Variants in FRYL observed in about 807,000 individuals in gnomAD.
The protein encoded by FRYL is protein furry homolog-like.
Under a neutral mutation model 351.2 loss-of-function variants are expected in FRYL, and 150 were observed. That is an observed-to-expected ratio of 0.43 (90% CI 0.37 to 0.49). FRYL has a LOEUF of 0.49. FRYL is among the 20% of genes least tolerant of loss of function. The pLI, the probability that FRYL is intolerant of heterozygous loss-of-function variation, is 0.00. For missense variants in FRYL, 3,036 were observed against 3,619.3 expected, an observed-to-expected ratio of 0.84 and a Z score of 4.13; for synonymous variants, 1,153 against 1,257.1, an observed-to-expected ratio of 0.92 and a Z score of 1.75.
At chr4:48,607,885 C>A (rs938640537) in intron 9 of FRYL, among the ~76,000 whole-genome samples, 3 of 152,120 alleles carry the variant, frequency 2.0e-5, no homozygotes. Flanking sequence ...ATCCAACTTG[C>A]TAATATATTA....
At chr4:48,591,926 T>C (rs1743339468) in intron 16 of FRYL, among the ~76,000 whole-genome samples, 1 of 151,610 alleles carries the variant, frequency 6.6e-6, no homozygotes, top group South Asian at 2.1e-4. Context: ...TTCTTAATGT[T>C]TTTTTCTCAG....
chr4:48,688,572 CTAAG>C (rs1417700504), intron 2 of FRYL, among the ~76,000 whole-genome samples: 2 of 151,546 alleles, frequency 1.3e-5, no homozygotes, highest in Non-Finnish European at 2.9e-5. Flanking sequence ...TCTTCAATTG[CTAAG>C]TAATTCACTT....
chr4:48,577,988 T>C (rs1475547345), intron 23 of FRYL, among the ~76,000 whole-genome samples: 1 of 151,370 alleles, frequency 6.6e-6, no homozygotes, highest in Non-Finnish European at 1.5e-5. Flanking sequence ...TATACATATA[T>C]ATATATTCAA....
intron 2 of FRYL, among the ~76,000 whole-genome samples, chr4:48,685,247 A>C (rs1294726620): frequency 6.6e-6 from 1 of 152,116 alleles, no homozygotes; most frequent in Non-Finnish European, 1.5e-5. Flanking sequence ...ATCTACTACT[A>C]TAATAATAAT....
At chr4:48,708,929 G>GTTTTTTT (rs1553866692) in intron 2 of FRYL, among the ~76,000 whole-genome samples, 2 of 141,400 alleles carry the variant, frequency 1.4e-5, no homozygotes, top group East Asian at 2.1e-4. Context: ...TTTGTTTTTT[G>GTTTTTTT]TTTTTTTTTT....
At chr4:48,523,493 G>A (rs1219046338) in intron 53 of FRYL, 1 of 159,204 alleles carries the variant, frequency 6.3e-6, no homozygotes, top group Non-Finnish European at 1.4e-5. Flanking sequence ...CTTACCTGCA[G>A]CTCCTGGTTA....
chr4:48,692,092 A>G (rs1765726219), intron 2 of FRYL, among the ~76,000 whole-genome samples: 1 of 152,176 alleles, frequency 6.6e-6, no homozygotes, highest in South Asian at 2.1e-4. Flanking sequence ...ACTAAAGAGA[A>G]GAAATAAGAA....
At chr4:48,583,353 G>A (rs1439399166) in intron 19 of FRYL, among the ~76,000 whole-genome samples, 6 of 151,936 alleles carry the variant, frequency 3.9e-5, no homozygotes, top group Non-Finnish European at 7.4e-5. Flanking sequence ...GGGTTTCACC[G>A]TCTTAGCCAG....
At chr4:48,578,612 G>C (rs1740205823) in intron 23 of FRYL, among the ~76,000 whole-genome samples, 1 of 152,182 alleles carries the variant, frequency 6.6e-6, no homozygotes, top group Non-Finnish European at 1.5e-5. Context: ...ACTGAGCTGA[G>C]TTTCGCTCTG....
At chr4:48,612,958 A>G (rs1249333883) in intron 7 of FRYL, among the ~76,000 whole-genome samples, 1 of 152,160 alleles carries the variant, frequency 6.6e-6, no homozygotes, top group African/African-American at 2.4e-5. Context: ...ATTAAACTTT[A>G]TTATGAGTAT....
At chr4:48,654,758 A>C (rs1758465293) in intron 3 of FRYL, among the ~76,000 whole-genome samples, 1 of 152,214 alleles carries the variant, frequency 6.6e-6, no homozygotes. Context: ...ACATTTGTAA[A>C]ACTTTCTTCT....
chr4:48,767,569 G>A (rs756267387), intron 1 of FRYL, among the ~76,000 whole-genome samples: 3 of 152,102 alleles, frequency 2.0e-5, no homozygotes, highest in African/African-American at 7.2e-5. Flanking sequence ...ACAGAAAGAC[G>A]AATACTGCAT....
chr4:48,739,817 C>A (rs949791331), intron 1 of FRYL, among the ~76,000 whole-genome samples: 1 of 152,132 alleles, frequency 6.6e-6, no homozygotes, highest in Non-Finnish European at 1.5e-5. Context: ...GTCATAAGGG[C>A]TCTCACCAAA....
chr4:48,546,404 A>AG (rs1731345206), intron 41 of FRYL, 133 bp from the exon 42 acceptor site: 2 of 680,492 alleles, frequency 2.9e-6, no homozygotes, highest in Non-Finnish European at 2.6e-6. Context: ...GATGTGAATC[A>AG]GTGCTCCTGC....
intron 59 of FRYL, chr4:48,506,475 G>A (rs1720953020): frequency 6.6e-6 from 1 of 151,370 alleles, no homozygotes; most frequent in African/African-American, 2.4e-5. Flanking sequence ...AAGAAAGAAC[G>A]CTGGACTCAC....
chr4:48,546,068 T>G lies in FRYL; in HGVS notation c.5278A>C (p.Arg1760=). The change falls in exon 42 of 64, where the codon AGA becomes CGA. Residue 1760 remains arginine (R), a splice_region_variant and synonymous_variant. Transcript: ENST00000358350. ...VKTLMEFITS[R]KRGPLWNHED... ...GATGATAAGAGCTGCCAGTGTTACC[T>G]TGAGGTAATGAATTCCATGAGGGTT... is the stretch of plus-strand genomic sequence containing the variant. 3 of 1,612,072 alleles carry G rather than the reference T, an allele frequency of 1.9e-6. No homozygotes were observed. The highest frequency in any genetic ancestry group is 2.5e-6 in the Non-Finnish European group (3 of 1,178,964).
At chr4:48,733,262 G>A (rs547089726) in intron 1 of FRYL, among the ~76,000 whole-genome samples, 31 of 150,516 alleles carry the variant, frequency 2.1e-4, no homozygotes, top group African/African-American at 4.4e-4. Flanking sequence ...GTGACAGAGC[G>A]AGACTCCATC....
intron 33 of FRYL, among the ~76,000 whole-genome samples, chr4:48,558,999 C>T (rs1336822971): frequency 6.6e-6 from 1 of 152,020 alleles, no homozygotes; most frequent in Non-Finnish European, 1.5e-5. Context: ...TTGCACAACC[C>T]TGGGTTTGAA....
chr4:48,592,082 T>TATATATATATATATATATATATATA (rs888017807), intron 16 of FRYL, among the ~76,000 whole-genome samples: 23 of 116,200 alleles, frequency 2.0e-4, no homozygotes, highest in East Asian at 1.2e-3. Flanking sequence ...AATAAAGCTC[T>TATATATATATATATATATATATATA]TATATATATA....
Sources: allele counts gnomAD v4.1 joint callset (sites outside exome capture counted in the v4.1 genomes callset), GRCh38; gene constraint gnomAD v4.1.1; transcripts MANE v1.5; gene names NCBI Gene and HGNC (gene_info 2026-07-23, HGNC 2026-07-21).